Variants in CMIP observed in about 807,000 individuals in gnomAD.
CMIP encodes c-Maf inducing protein, also known as C-Maf-inducing protein.
A neutral mutation model predicts 97.3 loss-of-function variants in CMIP; 13 were observed. The ratio of observed to expected loss-of-function variants is 0.13; its 90% confidence interval spans 0.09 to 0.21. The LOEUF (loss-of-function observed/expected upper bound fraction) is 0.21, where lower values mean the gene tolerates loss of function less well. CMIP is among the 10% of genes least tolerant of loss of function. CMIP has a pLI of 1.00. For missense variants in CMIP, 847 were observed against 1,024.9 expected, an observed-to-expected ratio of 0.83 and a Z score of 2.37; for synonymous variants, 538 against 436.3, an observed-to-expected ratio of 1.23 and a Z score of -2.91.
chr16:81,638,940 G>A (rs988190210), intron 3 of CMIP, among the ~76,000 whole-genome samples: 1 of 152,182 alleles, frequency 6.6e-6, no homozygotes, highest in Non-Finnish European at 1.5e-5. Flanking sequence ...CGTGCAGGCT[G>A]TTTTTCCACT....
chr16:81,501,737 G>T (rs560759285), intron 1 of CMIP, among the ~76,000 whole-genome samples: 1 of 151,642 alleles, frequency 6.6e-6, no homozygotes, highest in South Asian at 2.1e-4. Flanking sequence ...TCAGCCTCCC[G>T]AGTAGCTGGA....
At chr16:81,647,263 G>T (rs529613647) in intron 3 of CMIP, among the ~76,000 whole-genome samples, 10 of 152,316 alleles carry the variant, frequency 6.6e-5, no homozygotes, top group African/African-American at 2.4e-4. Flanking sequence ...GACTTTTAAA[G>T]CCAGACCTTG....
chr16:81,622,111 C>T (rs1268852899), intron 3 of CMIP: 1 of 152,228 alleles, frequency 6.6e-6, no homozygotes, highest in African/African-American at 2.4e-5. Context: ...TCACCCTCAC[C>T]ACAACCGCAT....
intron 10 of CMIP, among the ~76,000 whole-genome samples, chr16:81,687,532 C>T (rs1905547427): frequency 1.3e-5 from 2 of 152,158 alleles, no homozygotes; most frequent in African/African-American, 4.8e-5. Context: ...GGTGCTGGGG[C>T]CGAGAGGACG....
chr16:81,499,169 G>C (rs955971682), intron 1 of CMIP, among the ~76,000 whole-genome samples: 2 of 152,104 alleles, frequency 1.3e-5, no homozygotes, highest in African/African-American at 4.8e-5. Flanking sequence ...TGTTGAAGAT[G>C]TGTGTGCATG....
At chr16:81,669,050 C>A (rs2092647015) in intron 7 of CMIP, among the ~76,000 whole-genome samples, 1 of 148,388 alleles carries the variant, frequency 6.7e-6, no homozygotes, top group Non-Finnish European at 1.5e-5. Flanking sequence ...CACTCTCCTC[C>A]TTCCACACCC....
intron 1 of CMIP, among the ~76,000 whole-genome samples, chr16:81,486,517 C>G (rs2089316443): frequency 1.3e-5 from 2 of 152,166 alleles, no homozygotes; most frequent in South Asian, 4.1e-4. Context: ...GGAGGGGTGC[C>G]CAGGGCCGGG....
intron 3 of CMIP, among the ~76,000 whole-genome samples, chr16:81,647,593 C>G (rs564605943): frequency 6.6e-6 from 1 of 152,238 alleles, no homozygotes; most frequent in South Asian, 2.1e-4. Context: ...GACAAACCAC[C>G]AGGCCACCCA....
At chr16:81,677,904 A>C (rs1465959348) in intron 9 of CMIP, among the ~76,000 whole-genome samples, 1 of 152,242 alleles carries the variant, frequency 6.6e-6, no homozygotes, top group Admixed American at 6.5e-5. Flanking sequence ...CCATTGGCTT[A>C]TCAAGAAAGT....
Position 81,445,589 on chromosome 16 carries a change from G to T in CMIP, c.300+48G>T, listed in dbSNP as rs544750735. ...ACCCCCGCCTCTCCTCGGGGCCCGAGATGCGCCCTCCCTGGCTGCCCCCTG... is the reference window on the plus strand; with the variant it reads ...ACCCCCGCCTCTCCTCGGGGCCCGATATGCGCCCTCCCTGGCTGCCCCCTG... On this transcript the variant is annotated intron_variant, in intron 1 of 20. Coordinates refer to ENST00000537098, the MANE Select transcript of CMIP (RefSeq NM_198390.3). 8 of 1,518,074 alleles carry T rather than the reference G, an allele frequency of 5.3e-6. No homozygotes were observed. The East Asian group carries it at 2.0e-4, about 37-fold the overall frequency. 94.0% of individuals were successfully genotyped at this position (1,518,074 alleles called of 1,614,324 possible). A position where few individuals can be genotyped will look rare whatever the true frequency, so the allele number is the denominator to read the frequency against.
At chr16:81,515,670 T>C (rs534480740) in intron 1 of CMIP, among the ~76,000 whole-genome samples, 1 of 152,318 alleles carries the variant, frequency 6.6e-6, no homozygotes, top group East Asian at 1.9e-4. Flanking sequence ...CCAGGCGCTA[T>C]TCTAAGGACC....
At chr16:81,592,546 G>GTTACTTTGCACTCCCCA (rs2091481750) in intron 1 of CMIP, among the ~76,000 whole-genome samples, 3 of 152,166 alleles carry the variant, frequency 2.0e-5, no homozygotes, top group Non-Finnish European at 4.4e-5. Context: ...CTGTGGTGTT[G>GTTACTTTGCACTCCCCA]TTACTTTGCA....
At chr16:81,693,776 G>C (rs942393565) in intron 13 of CMIP, among the ~76,000 whole-genome samples, 1 of 152,198 alleles carries the variant, frequency 6.6e-6, no homozygotes, top group African/African-American at 2.4e-5. Context: ...CTCTCAACCA[G>C]CTCTGAGGCA....
chr16:81,491,966 C>T (rs2089413735), intron 1 of CMIP, among the ~76,000 whole-genome samples: 1 of 152,160 alleles, frequency 6.6e-6, no homozygotes, highest in Non-Finnish European at 1.5e-5. Context: ...TCTTTTGTGT[C>T]ACACCATTTT....
rs931522702 is a variant in CMIP, at chr16:81,562,775, G to A, written c.301-44792G>A. The stretch of plus-strand genomic sequence containing the variant: ...ATCACATACCCATCCAGTGAGGGAC[G>A]TAAATATTTTTTTTCATTTTTCAAA... On this transcript the variant is annotated intron_variant, in intron 1 of 20. Coordinates refer to ENST00000537098, the MANE Select transcript of CMIP (RefSeq NM_198390.3). 4.6e-5 allele frequency among the ~76,000 whole-genome samples: 7 copies of A among 152,236 alleles called. No individual in the cohort carries two copies. In the South Asian group the frequency reaches 6.2e-4, roughly 14 times the overall value.
chr16:81,596,821 A>G (rs2091565373), intron 1 of CMIP, among the ~76,000 whole-genome samples: 2 of 152,218 alleles, frequency 1.3e-5, no homozygotes, highest in South Asian at 2.1e-4. Context: ...GGTCACCCCA[A>G]TAACCAGTAC....
chr16:81,551,578 C>A (rs938322120), intron 1 of CMIP, among the ~76,000 whole-genome samples: 1 of 152,246 alleles, frequency 6.6e-6, no homozygotes, highest in Non-Finnish European at 1.5e-5. Flanking sequence ...CAAAGACACA[C>A]TGGGGCCGTG....
intron 1 of CMIP, among the ~76,000 whole-genome samples, chr16:81,583,120 C>T (rs1270080124): frequency 6.6e-6 from 1 of 152,258 alleles, no homozygotes; most frequent in Non-Finnish European, 1.5e-5. Flanking sequence ...CTGGCATTGC[C>T]TCTGACCTTG....
chr16:81,627,465 A>G lies in CMIP; in HGVS notation c.477+6539A>G, dbSNP rs2092089130. Among the ~76,000 whole-genome samples the G allele has an allele frequency of 6.8e-6, 1 of 147,480 alleles. No individual in the cohort carries two copies. Among genetic ancestry groups the G allele is most frequent in the African/African-American group, 2.5e-5 (1 of 40,694 alleles). On this transcript the variant is annotated intron_variant, in intron 3 of 20. Coordinates refer to ENST00000537098, the MANE Select transcript of CMIP (RefSeq NM_198390.3). The surrounding 1 kb of genome is among the most constrained non-coding windows in gnomAD (Gnocchi z 4.6). ...ATCAGTGTCTCCAAGTGGGTCCGACATGGTGGGAGCAGCTGGCTCGGCCTG... is the reference window on the plus strand; with the variant it reads ...ATCAGTGTCTCCAAGTGGGTCCGACGTGGTGGGAGCAGCTGGCTCGGCCTG...
Sources: allele counts gnomAD v4.1 joint callset (sites outside exome capture counted in the v4.1 genomes callset), GRCh38; gene constraint gnomAD v4.1.1; non-coding constraint Gnocchi (gnomAD v3.1); transcripts MANE v1.5; gene names NCBI Gene and HGNC (gene_info 2026-07-23, HGNC 2026-07-21).